Variants in NHS observed in about 807,000 individuals in gnomAD.
NHS encodes NHS actin remodeling regulator.
NHS carries 5 observed loss-of-function variants against 72.5 expected under a neutral mutation model. The ratio of observed to expected loss-of-function variants is 0.07; its 90% CI spans 0.04 to 0.14. NHS has a LOEUF of 0.14. NHS is among the 10% of genes least tolerant of loss of function. The pLI is 1.00. For missense variants in NHS, 1,072 were observed against 1,355.7 expected, an observed-to-expected ratio of 0.79 and a Z score of 3.29; for synonymous variants, 464 against 547.7, an observed-to-expected ratio of 0.85 and a Z score of 2.13.
intron 1 of NHS, among the ~76,000 whole-genome samples, chrX:17,651,744 G>A (rs753742039): frequency 1.8e-5 from 2 of 112,645 alleles, no homozygotes; most frequent in African/African-American, 3.2e-5. Context: ...ATGTAGTTTA[G>A]CTGTAGGAGA....
chrX:17,523,778 A>G (rs1379854265), intron 1 of NHS, among the ~76,000 whole-genome samples: 2 of 112,114 alleles, frequency 1.8e-5, no homozygotes, highest in Admixed American at 9.5e-5. Flanking sequence ...GGCAAAAGAA[A>G]TAAGACCTCC....
intron 1 of NHS, among the ~76,000 whole-genome samples, chrX:17,418,313 C>T (rs189118533): frequency 2.7e-5 from 3 of 111,633 alleles, no homozygotes; most frequent in East Asian, 2.8e-4. Context: ...ATGTTGGAGA[C>T]GTTTTACTAT....
chrX:17,618,911 G>T (rs779995273), intron 1 of NHS, among the ~76,000 whole-genome samples: 1 of 112,004 alleles, frequency 8.9e-6, no homozygotes, highest in East Asian at 2.8e-4. Flanking sequence ...TGGTTAATTG[G>T]TTTACTCAAT....
chrX:17,558,181 A>G (rs1429877006), intron 1 of NHS, among the ~76,000 whole-genome samples: 1 of 111,709 alleles, frequency 9.0e-6, no homozygotes, highest in Non-Finnish European at 1.9e-5. Context: ...GAGAAAAAAC[A>G]TATTTAAAGG....
At chrX:17,445,819 C>T (rs2146885440) in intron 1 of NHS, among the ~76,000 whole-genome samples, 1 of 101,969 alleles carries the variant, frequency 9.8e-6, no homozygotes, top group South Asian at 4.8e-4. Flanking sequence ...TCAATCTGGC[C>T]TGGTATATGA....
intron 1 of NHS, among the ~76,000 whole-genome samples, chrX:17,682,958 C>T (rs778775664): frequency 2.7e-4 from 30 of 111,479 alleles, no homozygotes; most frequent in Non-Finnish European, 4.1e-4. Context: ...CTCTTAGAAA[C>T]GGGCCTAGTC....
intron 1 of NHS, among the ~76,000 whole-genome samples, chrX:17,429,115 C>T (rs991154140): frequency 5.4e-5 from 6 of 111,326 alleles, no homozygotes; most frequent in Non-Finnish European, 1.1e-4. Flanking sequence ...TGGCAAGCAA[C>T]TTCCAATGTT....
chrX:17,567,813 A>G (rs2065452706), intron 1 of NHS, among the ~76,000 whole-genome samples: 1 of 109,769 alleles, frequency 9.1e-6, no homozygotes, highest in African/African-American at 3.3e-5. Flanking sequence ...AGAGGGGAGG[A>G]GGGAGGAAGA....
intron 1 of NHS, among the ~76,000 whole-genome samples, chrX:17,469,626 T>C (rs2064883435): frequency 8.9e-6 from 1 of 112,031 alleles, no homozygotes; most frequent in African/African-American, 3.2e-5. Flanking sequence ...AAGAACATAT[T>C]GTTTCAAGAA....
intron 5 of NHS, among the ~76,000 whole-genome samples, chrX:17,723,726 GGTGTGTGTGTGTGTGTGTGTGTGT>G (rs3222310): frequency 4.2e-5 from 3 of 71,075 alleles, no homozygotes; most frequent in Non-Finnish European, 7.5e-5. Context: ...CAGCAAAAGA[GGTGTGTGTGTGTGTGTGTGTGTGT>G]GTGTGTGTGT....
intron 1 of NHS, among the ~76,000 whole-genome samples, chrX:17,538,451 C>T (rs928982231): frequency 9.0e-5 from 10 of 111,653 alleles, no homozygotes; most frequent in Admixed American, 7.6e-4. Flanking sequence ...ATTGGGGCTT[C>T]GTCCTGTTGG....
At chrX:17,442,703 G>A (rs188018411) in intron 1 of NHS, among the ~76,000 whole-genome samples, 2 of 112,497 alleles carry the variant, frequency 1.8e-5, no homozygotes, top group African/African-American at 6.5e-5. Context: ...CTCTTTATTC[G>A]AAAGCAAAAT....
Position 17,578,581 on chromosome X carries a change from A to G in NHS, c.566-109161A>G, listed in dbSNP as rs1043408357. 2.2e-4 allele frequency among the ~76,000 whole-genome samples: 25 copies of G among 112,223 alleles called. 1 individual carries two copies. Among genetic ancestry groups the G allele is most frequent in the African/African-American group, 8.1e-4 (25 of 30,841 alleles). ...GTATGGATTCAGTGAGTTCCTATATATCGAAATACTCAAGAGTGTAAACAG... is the reference window on the plus strand; with the variant it reads ...GTATGGATTCAGTGAGTTCCTATATGTCGAAATACTCAAGAGTGTAAACAG... On this transcript the variant is annotated intron_variant, in intron 1 of 8. Coordinates refer to ENST00000676302, the MANE Select transcript of NHS (RefSeq NM_001291867.2).
At position 17,509,027 on chromosome X, in the gene NHS, T is replaced by TG. The variant is rs758542288; in HGVS notation, c.565+132707dup. Among the ~76,000 whole-genome samples the TG allele has an allele frequency of 3.4e-3, 382 of 111,144 alleles. 1 individual carries two copies. Among genetic ancestry groups the TG allele is most frequent in the African/African-American group, 0.012 (372 of 30,564 alleles). Reference sequence around the variant, plus strand: ...GCTTCCTATAATACAGCACTGTCCCTGGAATCCCTCTTAGGGAACTAGCTT... The same window carrying TG: ...GCTTCCTATAATACAGCACTGTCCCTGGGAATCCCTCTTAGGGAACTAGCTT... On this transcript the variant is annotated intron_variant, in intron 1 of 8. Transcript: ENST00000676302.
intron 1 of NHS, among the ~76,000 whole-genome samples, chrX:17,466,857 C>G (rs148704028): frequency 0.011 from 1,186 of 111,904 alleles, 16 homozygotes; most frequent in African/African-American, 0.036. Flanking sequence ...GCTGGACACT[C>G]TCTTTGCAGG....
intron 1 of NHS, among the ~76,000 whole-genome samples, chrX:17,404,704 C>T (rs1263364694): frequency 9.0e-6 from 1 of 110,748 alleles, no homozygotes; most frequent in African/African-American, 3.3e-5. Context: ...CTCTCTAGCA[C>T]CTCATACAGC....
chrX:17,524,726 T>C (rs1429067069), intron 1 of NHS, among the ~76,000 whole-genome samples: 2 of 112,663 alleles, frequency 1.8e-5, no homozygotes, highest in Non-Finnish European at 3.7e-5. Context: ...CATTTGGCCC[T>C]TGTTGGTGAG....
chrX:17,576,685 C>T (rs2065513773), intron 1 of NHS, among the ~76,000 whole-genome samples: 1 of 112,058 alleles, frequency 8.9e-6, no homozygotes, highest in East Asian at 2.8e-4. Flanking sequence ...GATAAATAAA[C>T]GTGTCGCAGG....
At chrX:17,404,170 C>G (rs1309426889) in intron 1 of NHS, among the ~76,000 whole-genome samples, 1 of 111,743 alleles carries the variant, frequency 8.9e-6, no homozygotes, top group Non-Finnish European at 1.9e-5. Context: ...ATAGTATAGC[C>G]TCTTGCTTTG....
Sources: gnomAD v4.1 joint callset for allele counts (sites outside exome capture counted in the v4.1 genomes callset) on GRCh38, gnomAD v4.1.1 for gene constraint, MANE v1.5 for transcripts, NCBI Gene and HGNC (gene_info 2026-07-23, HGNC 2026-07-21) for gene names.